Variants in SGMS2 observed in about 807,000 individuals in gnomAD.
The protein encoded by SGMS2 is phosphatidylcholine:ceramide cholinephosphotransferase 2.
SGMS2 carries 21 observed loss-of-function variants against 43.8 expected under a neutral mutation model. The ratio of observed to expected loss-of-function variants is 0.48; its 90% CI spans 0.34 to 0.69. SGMS2 has a LOEUF of 0.69. SGMS2 is among the 30% of genes least tolerant of loss of function. SGMS2 has a pLI of 0.01. For missense variants in SGMS2, 384 were observed against 443.2 expected (o/e 0.87, Z 1.20); for synonymous variants, 167 against 160.6 (o/e 1.04, Z -0.30).
chr4:107,842,064 G>C (rs1476310878), intron 1 of SGMS2, among the ~76,000 whole-genome samples: 1 of 152,116 alleles, frequency 6.6e-6, no homozygotes, highest in Non-Finnish European at 1.5e-5. Flanking sequence ...CATGTAATAT[G>C]TATTAGGTTG....
chr4:107,894,333 C>G (rs1730485456), intron 2 of SGMS2: 1 of 152,298 alleles, frequency 6.6e-6, no homozygotes. Flanking sequence ...TAAAAGACTG[C>G]TCTCCTAAAT....
At chr4:107,840,377 T>C (rs1202580438) in intron 1 of SGMS2, among the ~76,000 whole-genome samples, 1 of 152,214 alleles carries the variant, frequency 6.6e-6, no homozygotes, top group Admixed American at 6.5e-5. Context: ...AAATATTAGC[T>C]GTTGTGATTT....
rs150340532 is a variant in SGMS2, at chr4:107,899,677, C to T, written c.558C>T (p.Phe186=). The T allele has an allele frequency of 8.7e-6, 14 of 1,611,280 alleles. No individual in the cohort carries two copies. In the African/African-American group the frequency reaches 1.7e-4, roughly 20 times the overall value. The stretch of plus-strand genomic sequence containing the variant: ...CTCTACCTGTGCCTGGAATGCATTT[C>T]CAGTGTGCTCCAAAGGTCAGTACCT... ...VTTLPVPGMH[F]QCAPKLNGDS... is the part of the protein sequence containing the mutation. Residue 186 remains phenylalanine (F), a synonymous_variant, in exon 4 of 7, where the codon TTC becomes TTT. Transcript: ENST00000690982.
rs1730581719 is a variant in SGMS2, at chr4:107,895,396, C to T, written c.-158C>T. Reference sequence around the variant, plus strand: ...ACAGCATATAGCTGCATGGAAGAAACAGTAATCGGATGGCTACCTTCTACA... The same window carrying T: ...ACAGCATATAGCTGCATGGAAGAAATAGTAATCGGATGGCTACCTTCTACA... On this transcript the variant is annotated 5_prime_UTR_variant, in exon 3 of 7. Transcript: ENST00000690982. 2.8e-6 allele frequency: 2 copies of T among 723,904 alleles called. No homozygotes were observed. Among genetic ancestry groups the T allele is most frequent in the South Asian group, 2.0e-5 (1 of 51,020 alleles). The allele number at this position is 723,904 out of a possible 1,614,324, so 44.8% of individuals were successfully genotyped here.
intron 2 of SGMS2, among the ~76,000 whole-genome samples, chr4:107,892,397 G>T (rs1428605002): frequency 6.6e-6 from 1 of 150,926 alleles, no homozygotes; most frequent in East Asian, 2.0e-4. Flanking sequence ...ACCAAGCACT[G>T]ATAGGAGATT....
At chr4:107,860,265 C>A (rs1487440383) in intron 2 of SGMS2, among the ~76,000 whole-genome samples, 1 of 151,980 alleles carries the variant, frequency 6.6e-6, no homozygotes, top group African/African-American at 2.4e-5. Flanking sequence ...ACACTTTCCT[C>A]ATTCTTTTTT....
rs1034110934 is a variant in SGMS2 at position 107,913,023 on chromosome 4, T to C, written c.*2470T>C. 6.6e-6 allele frequency: 1 copy of C among 152,156 alleles called. No homozygotes were observed. The highest frequency in any genetic ancestry group is 2.4e-5 in the African/African-American group (1 of 41,440). 9.4% of individuals were successfully genotyped at this position (152,156 alleles called of 1,614,324 possible). Reference sequence around the variant, plus strand: ...TTCAACCCAATGTGCCACTTTGATATAAAACAAGTATGATATATATATAAA... The same window carrying C: ...TTCAACCCAATGTGCCACTTTGATACAAAACAAGTATGATATATATATAAA... On this transcript the variant is annotated 3_prime_UTR_variant, in exon 7 of 7. Transcript: ENST00000690982.
chr4:107,848,644 A>G (rs1726968924), intron 1 of SGMS2, among the ~76,000 whole-genome samples: 1 of 152,118 alleles, frequency 6.6e-6, no homozygotes, highest in Non-Finnish European at 1.5e-5. Flanking sequence ...TTAAATTGCA[A>G]ATCCCTAATT....
intron 1 of SGMS2, among the ~76,000 whole-genome samples, chr4:107,839,393 TCTCTC>T (rs1223057527): frequency 6.6e-6 from 1 of 152,050 alleles, no homozygotes; most frequent in Admixed American, 6.6e-5. Flanking sequence ...TTTTTTCCCT[TCTCTC>T]CTACTTCTAT....
At chr4:107,830,595 A>G (rs1419618249) in intron 1 of SGMS2, among the ~76,000 whole-genome samples, 1 of 151,998 alleles carries the variant, frequency 6.6e-6, no homozygotes, top group African/African-American at 2.4e-5. Flanking sequence ...GATGGTATCT[A>G]TTGTGGTTTT....
intron 2 of SGMS2, among the ~76,000 whole-genome samples, chr4:107,863,294 G>T (rs1727873611): frequency 6.6e-6 from 1 of 152,160 alleles, no homozygotes; most frequent in Admixed American, 6.5e-5. Context: ...TCAGATAGGG[G>T]TGGTAATGGT....
intron 3 of SGMS2, among the ~76,000 whole-genome samples, chr4:107,898,862 A>T (rs1730889381): frequency 6.6e-6 from 1 of 152,182 alleles, no homozygotes; most frequent in South Asian, 2.1e-4. Context: ...GTGAAAAATG[A>T]CTTGTGGGAT....
At chr4:107,835,238 A>G (rs1268038087) in intron 1 of SGMS2, among the ~76,000 whole-genome samples, 1 of 152,196 alleles carries the variant, frequency 6.6e-6, no homozygotes, top group Non-Finnish European at 1.5e-5. Flanking sequence ...TATGAAATAC[A>G]GGTGGAAAAT....
At chr4:107,859,501 G>A (rs1727610604) in intron 2 of SGMS2, among the ~76,000 whole-genome samples, 1 of 152,176 alleles carries the variant, frequency 6.6e-6, no homozygotes, top group South Asian at 2.1e-4. Flanking sequence ...AAGAATGGCA[G>A]CTATTTCTAA....
intron 1 of SGMS2, among the ~76,000 whole-genome samples, chr4:107,839,189 T>G (rs1481012230): frequency 6.6e-6 from 1 of 152,204 alleles, no homozygotes; most frequent in Non-Finnish European, 1.5e-5. Flanking sequence ...ATTTACTTCA[T>G]ACAATTTACC....
chr4:107,849,574 T>C (rs1727022619), intron 1 of SGMS2, among the ~76,000 whole-genome samples: 2 of 152,146 alleles, frequency 1.3e-5, no homozygotes, highest in South Asian at 4.1e-4. Flanking sequence ...GATGTCTGGG[T>C]CCTGAGGGTA....
intron 1 of SGMS2, among the ~76,000 whole-genome samples, chr4:107,827,148 A>G (rs1324226062): frequency 6.6e-6 from 1 of 152,206 alleles, no homozygotes; most frequent in Non-Finnish European, 1.5e-5. Flanking sequence ...TTCTTTTTTA[A>G]AGGAATAATT....
chr4:107,863,382 G>T (rs189649383), intron 2 of SGMS2: 18 of 152,156 alleles, frequency 1.2e-4, no homozygotes, highest in African/African-American at 4.3e-4. Flanking sequence ...CATAAACTCT[G>T]GGAAAGCATT....
intron 1 of SGMS2, among the ~76,000 whole-genome samples, chr4:107,825,929 A>T (rs1007578423): frequency 2.6e-5 from 4 of 152,072 alleles, no homozygotes; most frequent in African/African-American, 9.7e-5. Context: ...CTCTGAAATG[A>T]CCTTAAAATC....
Sources: allele counts gnomAD v4.1 joint callset (sites outside exome capture counted in the v4.1 genomes callset), GRCh38; gene constraint gnomAD v4.1.1; transcripts MANE v1.5; gene names NCBI Gene and HGNC (gene_info 2026-07-23, HGNC 2026-07-21).